BANK1: variants seen among roughly 807,000 people sequenced by gnomAD.
BANK1 encodes B-cell scaffold protein with ankyrin repeats.
Under a neutral mutation model 94.5 loss-of-function variants are expected in BANK1, and 95 were observed. The ratio of observed to expected loss-of-function variants is 1.00; its 90% CI spans 0.85 to 1.19. The LOEUF (loss-of-function observed/expected upper bound fraction) is 1.19. BANK1 is among the 50% of genes most tolerant of loss of function. BANK1 has a pLI of 0.00. For missense variants in BANK1, 987 were observed against 932.2 expected, an observed-to-expected ratio of 1.06 and a Z score of -0.77; for synonymous variants, 334 against 308.4, an observed-to-expected ratio of 1.08 and a Z score of -0.87.
chr4:102,060,251 G>C lies in BANK1; in HGVS notation c.2010G>C (p.Arg670Ser). The C allele has an allele frequency of 1.2e-6, 2 of 1,603,960 alleles. No individual in the cohort carries two copies. The highest frequency in any genetic ancestry group is 1.7e-6 in the Non-Finnish European group (2 of 1,177,080). ...RIESPAFSTL[R>S]GCLTDGQEEL... Reference sequence around the variant, plus strand: ...AGAGTCCAGCCTTTTCTACTCTCAGGGGCTGTCTAACTGATGGTCAGGAAG... The same window carrying C: ...AGAGTCCAGCCTTTTCTACTCTCAGCGGCTGTCTAACTGATGGTCAGGAAG... The change falls in exon 12 of 17, where the codon AGG becomes AGC. Residue 670 changes from arginine (R) to serine (S), a missense_variant. Transcript: ENST00000322953.
intron 6 of BANK1, among the ~76,000 whole-genome samples, chr4:101,896,888 A>C (rs1052324592): frequency 2.6e-5 from 4 of 152,014 alleles, no homozygotes; most frequent in Non-Finnish European, 5.9e-5. Flanking sequence ...CCAAAGATAG[A>C]TAATTGATTA....
intron 2 of BANK1, among the ~76,000 whole-genome samples, chr4:101,854,421 T>G (rs1727605522): frequency 1.3e-5 from 2 of 152,210 alleles, no homozygotes; most frequent in Non-Finnish European, 2.9e-5. Flanking sequence ...AAAATTTACA[T>G]TAGCATATTT....
chr4:102,051,311 A>G (rs557987642), intron 11 of BANK1, among the ~76,000 whole-genome samples: 4 of 152,196 alleles, frequency 2.6e-5, no homozygotes, highest in South Asian at 4.1e-4. Flanking sequence ...CTTTTCCAGT[A>G]TACTTACATT....
At chr4:101,844,172 T>A (rs1727161875) in intron 2 of BANK1, among the ~76,000 whole-genome samples, 1 of 152,064 alleles carries the variant, frequency 6.6e-6, no homozygotes, top group African/African-American at 2.4e-5. Context: ...GGAAAGTAAA[T>A]AATATGTAAA....
At chr4:101,822,192 C>A (rs904721114) in intron 1 of BANK1, among the ~76,000 whole-genome samples, 1 of 151,620 alleles carries the variant, frequency 6.6e-6, no homozygotes, top group Non-Finnish European at 1.5e-5. Context: ...CTGTCTCTAC[C>A]ATTAAAAAAA....
At chr4:102,037,183 G>T (rs1200477545) in intron 10 of BANK1, among the ~76,000 whole-genome samples, 2 of 152,182 alleles carry the variant, frequency 1.3e-5, no homozygotes, top group African/African-American at 4.8e-5. Flanking sequence ...CATTTTGATT[G>T]TCAAGACTAA....
chr4:102,065,642 C>T (rs1578489663), intron 13 of BANK1, among the ~76,000 whole-genome samples: 1 of 151,702 alleles, frequency 6.6e-6, no homozygotes, highest in East Asian at 1.9e-4. Context: ...CTTTAAAGCA[C>T]CTTAAACACT....
chr4:101,822,740 C>T (rs372476295), intron 1 of BANK1, among the ~76,000 whole-genome samples: 2 of 151,830 alleles, frequency 1.3e-5, no homozygotes, highest in Non-Finnish European at 2.9e-5. Context: ...CTCAGCCTCC[C>T]GAGTAGCTGG....
At chr4:101,807,645 T>A (rs961414099) in intron 1 of BANK1, among the ~76,000 whole-genome samples, 2 of 152,194 alleles carry the variant, frequency 1.3e-5, no homozygotes, top group African/African-American at 4.8e-5. Flanking sequence ...CTATGATAAA[T>A]GCTCTACATG....
In BANK1 at chr4:102,025,458, C is replaced by T. The variant is rs761921169; in HGVS notation, c.1543C>T (p.Arg515Ter). 13 of 1,613,982 alleles carry T rather than the reference C, an allele frequency of 8.1e-6. No individual in the cohort carries two copies. Among genetic ancestry groups the T allele is most frequent in the East Asian group, 4.5e-5 (2 of 44,894 alleles). ...MSSRPPLPPPRPVANAFQLER... is the reference protein window; with the variant it reads ...MSSRPPLPPP ...CAGCAGACCTCCTCTCCCCCCGCCG[C>T]GACCTGTAGCTAATGCCTTCCAACT... Residue 515 changes from arginine to a stop codon, truncating the protein, a stop_gained, in exon 9 of 17, where the codon CGA (arginine) becomes TGA (stop). Coordinates refer to ENST00000322953, the MANE Select transcript of BANK1 (RefSeq NM_017935.5). LOFTEE classifies it high-confidence loss of function.
At chr4:102,037,197 C>T (rs1053417602) in intron 10 of BANK1, among the ~76,000 whole-genome samples, 2 of 152,166 alleles carry the variant, frequency 1.3e-5, no homozygotes, top group Non-Finnish European at 2.9e-5. Context: ...AGACTAAGAA[C>T]AGTACTAGTG....
chr4:101,937,890 C>T (rs575537186), intron 7 of BANK1, among the ~76,000 whole-genome samples: 2 of 151,962 alleles, frequency 1.3e-5, no homozygotes, highest in East Asian at 2.0e-4. Context: ...ACATATACAC[C>T]ATGGAATACT....
In BANK1 at chr4:101,859,188, T is replaced by C. The variant is rs377229731; in HGVS notation, c.625-3338T>C. Among the ~76,000 whole-genome samples the C allele has an allele frequency of 1.3e-4, 20 of 152,328 alleles. No individual in the cohort carries two copies. The East Asian group carries it at 3.7e-3, about 28-fold the overall frequency. The stretch of plus-strand genomic sequence containing the variant: ...AAAATACAGTAAAAGCAGCAAAAGA[T>C]GCTTGTGTGCATTAATGCCTGAAAA... On this transcript the variant is annotated intron_variant, in intron 3 of 16. Coordinates refer to ENST00000322953, the MANE Select transcript of BANK1 (RefSeq NM_017935.5).
intron 6 of BANK1, among the ~76,000 whole-genome samples, chr4:101,917,326 A>G (rs1171727785): frequency 6.6e-6 from 1 of 151,998 alleles, no homozygotes; most frequent in Non-Finnish European, 1.5e-5. Flanking sequence ...TCATTGGGAT[A>G]CAGGTTGCAT....
chr4:102,055,742 G>A (rs7693723), intron 11 of BANK1, among the ~76,000 whole-genome samples: 1 of 151,796 alleles, frequency 6.6e-6, no homozygotes, highest in Non-Finnish European at 1.5e-5. Flanking sequence ...TACACAAAAA[G>A]TACCTATTAA....
chr4:102,022,987 C>T (rs1043777978), intron 8 of BANK1, among the ~76,000 whole-genome samples: 2 of 152,144 alleles, frequency 1.3e-5, no homozygotes, highest in Non-Finnish European at 2.9e-5. Context: ...TTCACTTTAC[C>T]TGCTCCTTTT....
intron 1 of BANK1, among the ~76,000 whole-genome samples, chr4:101,823,995 A>G (rs192255075): frequency 4.1e-4 from 63 of 152,344 alleles, no homozygotes; most frequent in Admixed American, 2.0e-3. Context: ...AAAGATAAGA[A>G]AGGGAGAAAA....
chr4:101,857,800 G>A (rs1261991547), intron 3 of BANK1, among the ~76,000 whole-genome samples: 2 of 152,158 alleles, frequency 1.3e-5, no homozygotes, highest in Non-Finnish European at 2.9e-5. Flanking sequence ...ACCTAGGTGA[G>A]TTTTAGTAGT....
chr4:101,917,299 G>C (rs192451801), intron 6 of BANK1, among the ~76,000 whole-genome samples: 58 of 151,950 alleles, frequency 3.8e-4, no homozygotes, highest in Non-Finnish European at 7.5e-4. Flanking sequence ...TCATTCATTT[G>C]TGTTTTATTT....
Sources: allele counts gnomAD v4.1 joint callset (sites outside exome capture counted in the v4.1 genomes callset), GRCh38; gene constraint gnomAD v4.1.1; transcripts MANE v1.5; gene names NCBI Gene and HGNC (gene_info 2026-07-23, HGNC 2026-07-21).